Variants in ITGA8 observed in about 807,000 individuals in gnomAD.
The protein encoded by ITGA8 is integrin subunit alpha 8, also known as integrin alpha-8.
In ITGA8, 91 loss-of-function variants were observed where a neutral mutation model predicts 142.3. The observed-to-expected ratio is 0.64, with a 90% CI of 0.54 to 0.76. The LOEUF (loss-of-function observed/expected upper bound fraction) is 0.76, where lower values mean the gene tolerates loss of function less well. Among genes scored for constraint, ITGA8 ranks in the 30% least tolerant of loss-of-function variants. The pLI is 0.00. For missense variants in ITGA8, 1,406 were observed against 1,327.7 expected, an observed-to-expected ratio of 1.06 and a Z score of -0.92; for synonymous variants, 505 against 485.2, an observed-to-expected ratio of 1.04 and a Z score of -0.54.
intron 26 of ITGA8, among the ~76,000 whole-genome samples, chr10:15,551,520 AGAG>A (rs1833792881): frequency 6.6e-6 from 1 of 152,146 alleles, no homozygotes; most frequent in Non-Finnish European, 1.5e-5. Context: ...GAAAGTTTGG[AGAG>A]GAGGAGATGG....
intron 2 of ITGA8, among the ~76,000 whole-genome samples, chr10:15,717,576 T>C (rs1835476785): frequency 6.6e-6 from 1 of 152,170 alleles, no homozygotes. Flanking sequence ...TAAAAACTGG[T>C]ATAAAATAAC....
intron 8 of ITGA8, among the ~76,000 whole-genome samples, chr10:15,668,346 G>C (rs1272865221): frequency 2.0e-5 from 3 of 151,432 alleles, no homozygotes; most frequent in African/African-American, 7.3e-5. Flanking sequence ...TGCAACCCCT[G>C]CCTTTTTTTG....
intron 11 of ITGA8, among the ~76,000 whole-genome samples, 191 bp downstream of exon 11, chr10:15,655,163 T>C (rs1834159275): frequency 6.6e-6 from 1 of 152,200 alleles, no homozygotes; most frequent in Non-Finnish European, 1.5e-5. Context: ...GAAAATCTCC[T>C]TAAGGACAAA....
At chr10:15,655,606 T>G (rs1834169974) in intron 10 of ITGA8, among the ~76,000 whole-genome samples, 200 bp from the exon 11 acceptor site, 2 of 152,132 alleles carry the variant, frequency 1.3e-5, no homozygotes, top group African/African-American at 4.8e-5. Flanking sequence ...ATAATAACCC[T>G]GACATCTGCT....
chr10:15,566,058 A>G (rs1834073110), intron 25 of ITGA8, among the ~76,000 whole-genome samples: 1 of 152,168 alleles, frequency 6.6e-6, no homozygotes, highest in Non-Finnish European at 1.5e-5. Flanking sequence ...CCTAAAGGAT[A>G]AGACAAAACT....
chr10:15,625,447 G>A lies in ITGA8; in HGVS notation c.1400-8888C>T, dbSNP rs530793605. 6.6e-4 allele frequency among the ~76,000 whole-genome samples: 91 copies of A among 138,544 alleles called. 2 individuals are homozygous for A. Among genetic ancestry groups the A allele is most frequent in the South Asian group, 1.5e-3 (5 of 3,354 alleles). The allele number at this position is 138,544 out of a possible 152,430, so 90.9% of individuals were successfully genotyped here. A position where few individuals can be genotyped will look rare whatever the true frequency, so the allele number is the denominator to read the frequency against. ...GGCCACACTGAATCACATGTGTGCC[G>A]TCTGTGCAATTGCTGAAAGCCCTGG... is the stretch of plus-strand genomic sequence containing the variant. On this transcript the variant is annotated intron_variant, in intron 13 of 29. Transcript: ENST00000378076.
intron 13 of ITGA8, among the ~76,000 whole-genome samples, chr10:15,630,772 A>G (rs922094801): frequency 2.0e-5 from 3 of 151,996 alleles, no homozygotes; most frequent in Admixed American, 2.0e-4. Context: ...ATGAGGTTCT[A>G]AACACAGGAG....
chr10:15,661,153 A>G (rs1834279157), intron 8 of ITGA8, among the ~76,000 whole-genome samples: 1 of 152,334 alleles, frequency 6.6e-6, no homozygotes, highest in East Asian at 1.9e-4. Context: ...ACGAAGCTTC[A>G]TCTGTATTTA....
chr10:15,672,010 A>G (rs529766920), intron 7 of ITGA8, among the ~76,000 whole-genome samples: 1 of 152,148 alleles, frequency 6.6e-6, no homozygotes, highest in Non-Finnish European at 1.5e-5. Context: ...ATAATGAGAC[A>G]GAATACTCTG....
chr10:15,514,833 A>T lies in ITGA8; in HGVS notation c.*2325T>A, dbSNP rs986824303. On this transcript the variant is annotated 3_prime_UTR_variant, in exon 30 of 30. Transcript: ENST00000378076. ...GTGCCCGTCCCTCTAGGAAAGGGCC[A>T]TCTTGGCTGAGACTCTGGGATGGTG... 1 of 152,304 alleles carries T rather than the reference A, an allele frequency of 6.6e-6. No individual in the cohort carries two copies. The allele number at this position is 152,304 out of a possible 1,614,324, so 9.4% of individuals were successfully genotyped here. A position where few individuals can be genotyped will look rare whatever the true frequency, so the allele number is the denominator to read the frequency against.
At chr10:15,608,766 G>A (rs539751516) in intron 15 of ITGA8, among the ~76,000 whole-genome samples, 1 of 152,082 alleles carries the variant, frequency 6.6e-6, no homozygotes, top group East Asian at 1.9e-4. Flanking sequence ...GGCTGGCTTG[G>A]TGGATCGGTG....
intron 22 of ITGA8, among the ~76,000 whole-genome samples, chr10:15,590,333 C>G (rs532179296): frequency 2.0e-5 from 3 of 152,152 alleles, no homozygotes; most frequent in African/African-American, 7.2e-5. Context: ...AGGATGGACT[C>G]GGGGAAGCCA....
intron 2 of ITGA8, among the ~76,000 whole-genome samples, chr10:15,713,323 T>A (rs559303925): frequency 5.5e-4 from 84 of 152,330 alleles, no homozygotes; most frequent in African/African-American, 1.8e-3. Flanking sequence ...TATTGTGGTG[T>A]GTGCTTGTGT....
At chr10:15,528,241 G>A (rs867921364) in intron 28 of ITGA8, among the ~76,000 whole-genome samples, 4 of 152,070 alleles carry the variant, frequency 2.6e-5, no homozygotes, top group African/African-American at 9.6e-5. Flanking sequence ...GGCCCTGCTG[G>A]GCTCCCTTCA....
chr10:15,646,562 A>AT (rs1329621272), intron 12 of ITGA8, among the ~76,000 whole-genome samples: 1 of 152,196 alleles, frequency 6.6e-6, no homozygotes, highest in Non-Finnish European at 1.5e-5. Context: ...TAAATTTAGG[A>AT]TTGAAACAAA....
At position 15,575,572 on chromosome 10, in the gene ITGA8, C is replaced by A. The variant is rs200816990; in HGVS notation, c.2395G>T (p.Val799Phe). 3.3e-4 allele frequency: 533 copies of A among 1,613,840 alleles called. No homozygotes were observed. In the East Asian group the frequency reaches 6.9e-3, roughly 21 times the overall value. The change falls in exon 24 of 30, where the codon GTT becomes TTT. Residue 799 changes from valine to phenylalanine, a missense_variant. Physicochemically the swap from Val to Phe is conservative, Grantham distance 50. Transcript: ENST00000378076. ...GGTTCCCAGTTATGAATGGGCAGAA[C>A]AATCTGCGGAGGGTGTGACACTCTG... ...IRGVSHPPQI[V>F]LPIHNWEPEE...
At chr10:15,592,448 G>C in intron 21 of ITGA8, 144 bp from the exon 22 acceptor site, 1 of 644,756 alleles carries the variant, frequency 1.6e-6, no homozygotes, top group Non-Finnish European at 2.7e-6. Context: ...AGAGCCAAGA[G>C]AAGTCATGCA....
intron 27 of ITGA8, among the ~76,000 whole-genome samples, chr10:15,545,101 T>C (rs1833643333): frequency 6.6e-6 from 1 of 152,196 alleles, no homozygotes; most frequent in Non-Finnish European, 1.5e-5. Context: ...GTCTACGGTT[T>C]TAAGCTGCTA....
intron 13 of ITGA8, among the ~76,000 whole-genome samples, chr10:15,640,317 T>A (rs1588691937): frequency 6.6e-6 from 1 of 152,140 alleles, no homozygotes; most frequent in Non-Finnish European, 1.5e-5. Flanking sequence ...AGCTCAGATT[T>A]CCCAGCCACA....
Sources: gnomAD v4.1 joint callset for allele counts (sites outside exome capture counted in the v4.1 genomes callset) on GRCh38, gnomAD v4.1.1 for gene constraint, MANE v1.5 for transcripts, NCBI Gene and HGNC (gene_info 2026-07-23, HGNC 2026-07-21) for gene names.